Variants in ZNF69 observed in about 807,000 individuals in gnomAD.
ZNF69 encodes the protein ZNF3.
Under a neutral mutation model 50.9 loss-of-function variants are expected in ZNF69, and 47 were observed. The ratio of observed to expected loss-of-function variants is 0.92; its 90% CI spans 0.73 to 1.18. The LOEUF is 1.18. Among genes scored for constraint, ZNF69 ranks in the 50% most tolerant of loss-of-function variants. The probability of loss-of-function intolerance (pLI) is 0.00; values close to 1 mark genes in which losing one functional copy is unlikely to be tolerated. For synonymous variants in ZNF69, 216 were observed against 223.1 expected (o/e 0.97, Z 0.29); for missense variants, 717 against 675.1 (o/e 1.06, Z -0.69).
At chr19:11,925,247 C>G in the ZNF69 span, 5 of 1,613,112 alleles carry the variant, frequency 3.1e-6, no homozygotes, top group Admixed American at 1.7e-5. Context: ...TAGAGAGGAC[C>G]CCGGTACATC....
At chr19:11,949,017 A>G in the ZNF69 span, 3 of 1,606,416 alleles carry the variant, frequency 1.9e-6, no homozygotes, top group East Asian at 6.7e-5. Flanking sequence ...ACTCTGGGAA[A>G]AAACCGTATG....
chr19:11,949,359 C>G, the ZNF69 span: 2 of 1,613,594 alleles, frequency 1.2e-6, no homozygotes, highest in Admixed American at 1.7e-5. Context: ...GAGAGAAACC[C>G]TATGAATGTA....
In ZNF69 at chr19:11,905,589, A is replaced by G. The variant is rs2145242413; in HGVS notation, c.1192A>G (p.Ile398Val). The G allele has an allele frequency of 6.2e-7, 1 of 1,614,086 alleles. No individual in the cohort carries two copies. Among genetic ancestry groups the G allele is most frequent in the East Asian group, 2.2e-5 (1 of 44,860 alleles). ...YKCKQCGKAFIHSSSLRYHER... is the reference protein window; with the variant it reads ...YKCKQCGKAFVHSSSLRYHER... The stretch of plus-strand genomic sequence containing the variant: ...ATGCAAGCAATGTGGTAAAGCCTTC[A>G]TTCATTCCAGTTCCCTTCGTTATCA... The change falls in exon 4 of 4, where the codon ATT (isoleucine) becomes GTT (valine). Residue 398 changes from isoleucine (I) to valine (V), a missense_variant. Physicochemically the swap from Ile to Val is conservative, Grantham distance 29. Transcript: ENST00000429654.
chr19:11,916,972 A>G (rs1972528082), downstream of ZNF69, among the ~76,000 whole-genome samples: 1 of 152,038 alleles, frequency 6.6e-6, no homozygotes, highest in Non-Finnish European at 1.5e-5. Context: ...CCTGAGTTGT[A>G]TCCTTCATAG....
In ZNF69 at chr19:11,905,801, C is replaced by T. The variant is rs142346649; in HGVS notation, c.1404C>T (p.His468=). The change falls in exon 4 of 4, where the codon CAC becomes CAT. Residue 468 remains histidine (H), a synonymous_variant. Transcript: ENST00000429654. ...NLQSHERTQT[H]VRIHSGERPY... is the part of the protein sequence containing the mutation. ...AAAGTCATGAAAGGACACAAACACA[C>T]GTAAGAATACACTCTGGAGAAAGAC... 3.3e-5 allele frequency: 54 copies of T among 1,612,956 alleles called. No individual in the cohort carries two copies. The highest frequency in any genetic ancestry group is 2.2e-4 in the East Asian group (10 of 44,788).
rs1194721034 is a variant in ZNF69, at chr19:11,905,259, C to T, written c.862C>T (p.Pro288Ser). Residue 288 changes from proline (P) to serine (S), a missense_variant, in exon 4 of 4, where the codon CCC becomes TCC. Physicochemically the swap from Pro to Ser is moderately conservative, Grantham distance 74. Coordinates refer to ENST00000429654, the MANE Select transcript of ZNF69 (RefSeq NM_001364730.1). ...GCAATGTGGGAAAGCATTTCATAGTCCCAGATGCTATCGTAGACATGAAAG... is the reference window on the plus strand; with the variant it reads ...GCAATGTGGGAAAGCATTTCATAGTTCCAGATGCTATCGTAGACATGAAAG... ...CQQCGKAFHS[P>S]RCYRRHERIH... 1.2e-6 allele frequency: 2 copies of T among 1,613,654 alleles called. No homozygotes were observed. The highest frequency in any genetic ancestry group is 1.1e-5 in the South Asian group (1 of 91,048).
At chr19:11,971,523 A>G in the ZNF69 span, among the ~76,000 whole-genome samples, 1 of 152,240 alleles carries the variant, frequency 6.6e-6, no homozygotes, top group Admixed American at 6.5e-5. Context: ...TTCAGTTTTT[A>G]GAAGTACTTT....
the ZNF69 span, chr19:11,953,435 G>A: frequency 1.3e-5 from 2 of 152,226 alleles, no homozygotes; most frequent in Non-Finnish European, 2.9e-5. Context: ...ACTAATTTTA[G>A]AAGGCAGTGA....
chr19:11,905,240 T>C lies in ZNF69; in HGVS notation c.843T>C (p.Cys281=), dbSNP rs1225790283. 6.2e-7 allele frequency: 1 copy of C among 1,614,094 alleles called. No individual in the cohort carries two copies. ...TGEKPYECQQ[C]GKAFHSPRCY... ...AAAAGCCTTATGAATGTCAGCAATGTGGGAAAGCATTTCATAGTCCCAGAT... is the reference window on the plus strand; with the variant it reads ...AAAAGCCTTATGAATGTCAGCAATGCGGGAAAGCATTTCATAGTCCCAGAT... The change falls in exon 4 of 4, where the codon TGT becomes TGC. Residue 281 remains cysteine, a synonymous_variant. Transcript: ENST00000429654.
At chr19:11,940,418 GGGTTTGTGGTCTCGCT>G in the ZNF69 span, among the ~76,000 whole-genome samples, 2 of 152,100 alleles carry the variant, frequency 1.3e-5, no homozygotes, top group African/African-American at 2.4e-5. Context: ...TCCTTCTGGT[GGGTTTGTGGTCTCGCT>G]GGCTCAGGAG....
At chr19:11,934,003 A>G in the ZNF69 span, among the ~76,000 whole-genome samples, 1 of 147,564 alleles carries the variant, frequency 6.8e-6, no homozygotes, top group South Asian at 2.1e-4. Context: ...ACTGAGTAAC[A>G]TTACGTTGGA....
At chr19:11,906,922 A>G (rs912073925), downstream of ZNF69, among the ~76,000 whole-genome samples, 3 of 152,166 alleles carry the variant, frequency 2.0e-5, no homozygotes, top group African/African-American at 7.2e-5. Flanking sequence ...GAAGCTAAAA[A>G]CCTTGAAAAA....
chr19:11,972,126 A>G, the ZNF69 span, among the ~76,000 whole-genome samples: 4 of 151,996 alleles, frequency 2.6e-5, no homozygotes, highest in Non-Finnish European at 4.4e-5. Context: ...AACTTTGTCA[A>G]TACAAAAACA....
the ZNF69 span, among the ~76,000 whole-genome samples, chr19:11,926,913 A>G: frequency 6.6e-6 from 1 of 152,194 alleles, no homozygotes; most frequent in African/African-American, 2.4e-5. Flanking sequence ...CTAGGGAAAT[A>G]GACTCAGTAC....
rs973544632 is a variant in ZNF69 at position 11,898,730 on chromosome 19, A to T, written c.64-4843A>T. Among the ~76,000 whole-genome samples the T allele has an allele frequency of 2.6e-5, 4 of 152,090 alleles. No homozygotes were observed. The East Asian group carries it at 7.7e-4, about 29-fold the overall frequency. ...AAACATCTTGACTGGCCAGGTGCTG[A>T]GCCTCATACCTGTAATCCTACCATT... is the stretch of plus-strand genomic sequence containing the variant. On this transcript the variant is annotated intron_variant, in intron 1 of 3. Coordinates refer to ENST00000429654, the MANE Select transcript of ZNF69 (RefSeq NM_001364730.1).
At chr19:11,888,049 A>T (rs1976989559) in intron 1 of ZNF69, 63 bp downstream of exon 1, 3 of 1,539,082 alleles carry the variant, frequency 1.9e-6, no homozygotes, top group Admixed American at 3.4e-5. Context: ...ACCGGAACCG[A>T]CTGTGGCGAG....
chr19:11,945,725 G>A, the ZNF69 span, among the ~76,000 whole-genome samples: 3 of 151,968 alleles, frequency 2.0e-5, no homozygotes, highest in African/African-American at 4.8e-5. Flanking sequence ...CCTCCTGGGG[G>A]ACAGTAAGGG....
At chr19:11,956,994 C>G in the ZNF69 span, among the ~76,000 whole-genome samples, 1 of 152,074 alleles carries the variant, frequency 6.6e-6, no homozygotes, top group South Asian at 2.1e-4. Context: ...CAGGCAGATA[C>G]AGTACTCAGT....
the ZNF69 span, among the ~76,000 whole-genome samples, chr19:11,930,038 A>G: frequency 6.8e-6 from 1 of 147,938 alleles, no homozygotes; most frequent in South Asian, 2.1e-4. Context: ...CACAATTGCC[A>G]TGTCTCTTGG....
Sources: gnomAD v4.1 joint callset for allele counts (sites outside exome capture counted in the v4.1 genomes callset) on GRCh38, gnomAD v4.1.1 for gene constraint, MANE v1.5 for transcripts, NCBI Gene and HGNC (gene_info 2026-07-23, HGNC 2026-07-21) for gene names.